The following KCTD8 variants were observed in gnomAD, a reference collection of about 807,000 sequenced individuals.
KCTD8 encodes the protein potassium channel tetramerization domain containing 8, also known as BTB/POZ domain-containing protein KCTD8.
In KCTD8, 27 loss-of-function variants were observed where a neutral mutation model predicts 31.5. That is an observed-to-expected ratio of 0.86 (90% confidence interval 0.63 to 1.18). KCTD8 has a LOEUF of 1.18. KCTD8 is among the 50% of genes most tolerant of loss of function. KCTD8 has a pLI of 0.00. For missense variants in KCTD8, 658 were observed against 647.7 expected, an observed-to-expected ratio of 1.02 and a Z score of -0.17; for synonymous variants, 290 against 280.0, an observed-to-expected ratio of 1.04 and a Z score of -0.36.
intron 1 of KCTD8, among the ~76,000 whole-genome samples, chr4:44,230,172 T>C (rs531030844): frequency 4.9e-4 from 74 of 152,338 alleles, no homozygotes; most frequent in South Asian, 1.7e-3. Flanking sequence ...TCACCGCTGG[T>C]AACTTGGATA....
chr4:44,289,693 T>G (rs534322913), intron 1 of KCTD8, among the ~76,000 whole-genome samples: 7 of 152,088 alleles, frequency 4.6e-5, no homozygotes, highest in African/African-American at 1.7e-4. Flanking sequence ...TGGGGGTGTG[T>G]GGGGGGTCTG....
rs1276211432 is a variant in KCTD8 at position 44,387,016 on chromosome 4, C to A, written c.961+60547G>T. 2.0e-5 allele frequency among the ~76,000 whole-genome samples: 3 copies of A among 151,774 alleles called. No individual in the cohort carries two copies. In the Admixed American group the frequency reaches 2.0e-4, roughly 10 times the overall value. On this transcript the variant is annotated intron_variant, in intron 1 of 1. Coordinates refer to ENST00000360029, the MANE Select transcript of KCTD8 (RefSeq NM_198353.3). ...CCCAAAAGCTTTTTAAGCTGATAAGCAACTTCAGCAAGTCTCAGGATAAAA... is the reference window on the plus strand; with the variant it reads ...CCCAAAAGCTTTTTAAGCTGATAAGAAACTTCAGCAAGTCTCAGGATAAAA...
intron 1 of KCTD8, among the ~76,000 whole-genome samples, chr4:44,396,159 C>A (rs1041972490): frequency 2.0e-5 from 3 of 152,006 alleles, no homozygotes; most frequent in African/African-American, 7.3e-5. Context: ...GAGCATGCAA[C>A]CTAGATCCCT....
At chr4:44,310,509 G>C (rs762703628) in intron 1 of KCTD8, among the ~76,000 whole-genome samples, 24 of 152,106 alleles carry the variant, frequency 1.6e-4, no homozygotes, top group Non-Finnish European at 1.3e-4. Flanking sequence ...CACTGGCATT[G>C]CTGGTTAATC....
chr4:44,207,796 C>T (rs1400533009), intron 1 of KCTD8, among the ~76,000 whole-genome samples: 1 of 152,108 alleles, frequency 6.6e-6, no homozygotes, highest in African/African-American at 2.4e-5. Context: ...TCCTTTGTAA[C>T]AGAAAAACAT....
chr4:44,297,409 T>C (rs965663380), intron 1 of KCTD8, among the ~76,000 whole-genome samples: 1 of 152,140 alleles, frequency 6.6e-6, no homozygotes, highest in African/African-American at 2.4e-5. Context: ...TTTTCACATA[T>C]AAATAGATAT....
intron 1 of KCTD8, among the ~76,000 whole-genome samples, chr4:44,381,147 C>G (rs1031269354): frequency 1.3e-5 from 2 of 151,936 alleles, no homozygotes; most frequent in Non-Finnish European, 2.9e-5. Context: ...AATTATTACT[C>G]ATGGTAGTAT....
intron 1 of KCTD8, among the ~76,000 whole-genome samples, chr4:44,442,618 A>G (rs1194123430): frequency 1.3e-5 from 2 of 152,196 alleles, no homozygotes; most frequent in Non-Finnish European, 2.9e-5. Context: ...CTTATTAACT[A>G]TAAAAAGGGT....
intron 1 of KCTD8, among the ~76,000 whole-genome samples, chr4:44,403,948 CAT>C (rs1434657947): frequency 6.6e-6 from 1 of 152,032 alleles, no homozygotes; most frequent in Non-Finnish European, 1.5e-5. Context: ...TTTATTTTCT[CAT>C]GTGAAATATA....
intron 1 of KCTD8, among the ~76,000 whole-genome samples, chr4:44,403,921 T>C (rs180931283): frequency 6.6e-6 from 1 of 152,338 alleles, no homozygotes; most frequent in East Asian, 1.9e-4. Context: ...GCATTTTTCA[T>C]TATTTTTAAT....
chr4:44,408,697 C>A (rs902026136), intron 1 of KCTD8, among the ~76,000 whole-genome samples: 1 of 152,104 alleles, frequency 6.6e-6, no homozygotes, highest in Non-Finnish European at 1.5e-5. Context: ...CAGCACACTG[C>A]AACCTCTGAC....
intron 1 of KCTD8, among the ~76,000 whole-genome samples, chr4:44,424,655 G>A (rs1385407749): frequency 6.6e-6 from 1 of 151,930 alleles, no homozygotes; most frequent in East Asian, 1.9e-4. Context: ...ACTAAACAGA[G>A]AGTCACATGA....
At chr4:44,280,259 T>A (rs1455309063) in intron 1 of KCTD8, among the ~76,000 whole-genome samples, 2 of 151,976 alleles carry the variant, frequency 1.3e-5, no homozygotes, top group Non-Finnish European at 2.9e-5. Flanking sequence ...AATCAAATGA[T>A]AAAAATAAAA....
chr4:44,383,342 A>G (rs2109444296), intron 1 of KCTD8, among the ~76,000 whole-genome samples: 1 of 152,214 alleles, frequency 6.6e-6, no homozygotes, highest in South Asian at 2.1e-4. Context: ...TAAAACCACA[A>G]AAGACCCCAG....
In KCTD8 at chr4:44,447,609, G is replaced by A. The variant is rs778380899; in HGVS notation, c.915C>T (p.Tyr305=). ...SSGTAAFVNQ[Y]RDDKIWSSYT... The stretch of plus-strand genomic sequence containing the variant: ...AGCTGCTCCAGATCTTGTCGTCGCG[G>A]TACTGGTTGACGAAGGCGGCGGTGC... Residue 305 remains tyrosine (Y), a synonymous_variant, in exon 1 of 2, where the codon TAC becomes TAT. Transcript: ENST00000360029. 1.2e-6 allele frequency: 2 copies of A among 1,604,316 alleles called. No individual in the cohort carries two copies. The highest frequency in any genetic ancestry group is 8.5e-7 in the Non-Finnish European group (1 of 1,175,712).
intron 1 of KCTD8, among the ~76,000 whole-genome samples, chr4:44,333,028 C>T (rs1718630258): frequency 6.6e-6 from 1 of 152,060 alleles, no homozygotes; most frequent in Admixed American, 6.6e-5. Flanking sequence ...GCTATGTTCA[C>T]AACTATTTGT....
chr4:44,327,092 G>C (rs897936416), intron 1 of KCTD8, among the ~76,000 whole-genome samples: 4 of 151,870 alleles, frequency 2.6e-5, no homozygotes, highest in Non-Finnish European at 5.9e-5. Context: ...TTTTTAATTT[G>C]TGAGAAAATA....
chr4:44,314,477 T>C (rs1199923824), intron 1 of KCTD8, among the ~76,000 whole-genome samples: 1 of 152,154 alleles, frequency 6.6e-6, no homozygotes, highest in Admixed American at 6.5e-5. Context: ...AGATATTTTA[T>C]TTCCCTAATT....
chr4:44,189,951 C>A (rs1478472829), intron 1 of KCTD8, among the ~76,000 whole-genome samples: 2 of 152,134 alleles, frequency 1.3e-5, no homozygotes, highest in Non-Finnish European at 2.9e-5. Context: ...CTGATTCCCT[C>A]CCCCAGCAAA....
Sources: gnomAD v4.1 joint callset for allele counts (sites outside exome capture counted in the v4.1 genomes callset) on GRCh38, gnomAD v4.1.1 for gene constraint, MANE v1.5 for transcripts, NCBI Gene and HGNC (gene_info 2026-07-23, HGNC 2026-07-21) for gene names.